DLGAP2: variants seen among roughly 807,000 people sequenced by gnomAD.
DLGAP2 encodes the protein DLG associated protein 2, also known as disks large-associated protein 2.
A neutral mutation model predicts 100.3 loss-of-function variants in DLGAP2; 26 were observed. The observed-to-expected ratio is 0.26, with a 90% CI of 0.19 to 0.36. The LOEUF (loss-of-function observed/expected upper bound fraction) is 0.36. Among genes scored for constraint, DLGAP2 ranks in the 10% least tolerant of loss-of-function variants. The pLI, the probability that DLGAP2 is intolerant of heterozygous loss-of-function variation, is 1.00. For synonymous variants in DLGAP2, 886 were observed against 630.1 expected, an observed-to-expected ratio of 1.41 and a Z score of -6.08; for missense variants, 1,858 against 1,453.2, an observed-to-expected ratio of 1.28 and a Z score of -4.53.
intron 2 of DLGAP2, among the ~76,000 whole-genome samples, chr8:1,050,024 G>T (rs140055325): frequency 6.6e-6 from 1 of 152,074 alleles, no homozygotes; most frequent in African/African-American, 2.4e-5. Context: ...ACACACATGC[G>T]GATATGTGTA....
At chr8:1,350,458 C>A (rs1269395074) in intron 3 of DLGAP2, among the ~76,000 whole-genome samples, 1 of 84,822 alleles carries the variant, frequency 1.2e-5, no homozygotes, top group African/African-American at 4.8e-5. Context: ...AAAGGCCGTG[C>A]GGGTCCTGAC....
chr8:1,604,536 A>G (rs559846713), intron 6 of DLGAP2: 12 of 152,396 alleles, frequency 7.9e-5, no homozygotes, highest in African/African-American at 2.9e-4. Flanking sequence ...TCAACATTAC[A>G]TGCAAGCACT....
chr8:1,438,542 AT>A (rs1487805537), intron 3 of DLGAP2, among the ~76,000 whole-genome samples: 1 of 152,176 alleles, frequency 6.6e-6, no homozygotes, highest in African/African-American at 2.4e-5. Flanking sequence ...TGACTAAGTA[AT>A]TTTTTTCTTT....
chr8:1,066,360 T>G (rs1803250932), intron 2 of DLGAP2, among the ~76,000 whole-genome samples: 1 of 149,562 alleles, frequency 6.7e-6, no homozygotes. Flanking sequence ...CGGTCAGGTC[T>G]GAGTGAGGAC....
At chr8:976,658 C>G (rs1484951647) in intron 2 of DLGAP2, among the ~76,000 whole-genome samples, 3 of 152,096 alleles carry the variant, frequency 2.0e-5, no homozygotes, top group African/African-American at 7.2e-5. Flanking sequence ...TAGGGCCAAC[C>G]AATCTTTGAC....
chr8:1,135,970 C>T (rs1273341529), intron 2 of DLGAP2, among the ~76,000 whole-genome samples: 3 of 152,208 alleles, frequency 2.0e-5, no homozygotes, highest in Non-Finnish European at 4.4e-5. Flanking sequence ...GGCCACAGAG[C>T]ACAGAATCAA....
intron 1 of DLGAP2, among the ~76,000 whole-genome samples, chr8:824,284 C>T (rs1031230436): frequency 6.6e-6 from 1 of 151,980 alleles, no homozygotes; most frequent in East Asian, 1.9e-4. Flanking sequence ...CCATGTTGCC[C>T]AGGCTGGTCT....
At chr8:919,783 G>T (rs1397660452) in intron 2 of DLGAP2, among the ~76,000 whole-genome samples, 2 of 152,226 alleles carry the variant, frequency 1.3e-5, no homozygotes, top group Non-Finnish European at 1.5e-5. Context: ...GACACAGAAG[G>T]CTCTGCCATG....
At chr8:1,441,388 C>G (rs1278045599) in intron 3 of DLGAP2, among the ~76,000 whole-genome samples, 2 of 152,078 alleles carry the variant, frequency 1.3e-5, no homozygotes, top group African/African-American at 4.8e-5. Flanking sequence ...CAACCTAAGG[C>G]CCCATTTAAA....
At chr8:943,156 G>A (rs184177275) in intron 2 of DLGAP2, among the ~76,000 whole-genome samples, 19 of 152,218 alleles carry the variant, frequency 1.2e-4, no homozygotes, top group African/African-American at 4.3e-4. Flanking sequence ...CAATTTTAGG[G>A]GCTATTTTAT....
chr8:1,064,047 A>T (rs1483518877), intron 2 of DLGAP2, among the ~76,000 whole-genome samples: 1 of 151,584 alleles, frequency 6.6e-6, no homozygotes, highest in Admixed American at 6.5e-5. Context: ...GCCAGCCTTT[A>T]ACGGGGTTTG....
intron 2 of DLGAP2, among the ~76,000 whole-genome samples, chr8:1,195,054 TCC>T (rs1797720049): frequency 2.0e-5 from 3 of 152,230 alleles, no homozygotes; most frequent in Non-Finnish European, 4.4e-5. Context: ...TTCAGAGGCG[TCC>T]GCCCCAGCAT....
At chr8:1,419,114 GT>G (rs1220881284) in intron 3 of DLGAP2, among the ~76,000 whole-genome samples, 3 of 152,144 alleles carry the variant, frequency 2.0e-5, no homozygotes, top group East Asian at 1.9e-4. Context: ...CCCTTGGTAG[GT>G]TTTGTTTTTC....
rs1259258878 is a variant in DLGAP2 at position 1,282,665 on chromosome 8, GGT to G, written c.106+23786_106+23787del. On this transcript the variant is annotated intron_variant, in intron 3 of 14. Transcript: ENST00000637795. The stretch of plus-strand genomic sequence containing the variant: ...CCCAGCGCATGAACCATCCAGACGT[GGT>G]GTGACCTGAACCCAGCGCATGAACC... 2.2e-5 allele frequency among the ~76,000 whole-genome samples: 3 copies of G among 134,668 alleles called. No homozygotes were observed. The East Asian group carries it at 7.8e-4, about 35-fold the overall frequency. 88.3% of individuals were successfully genotyped at this position (134,668 alleles called of 152,430 possible).
intron 3 of DLGAP2, among the ~76,000 whole-genome samples, chr8:1,432,901 G>C (rs73172534): frequency 5.8e-4 from 89 of 152,182 alleles, no homozygotes; most frequent in African/African-American, 1.9e-3. Flanking sequence ...CCAGAGACCA[G>C]AGACCCTGGG....
rs144980439 is a variant in DLGAP2, at chr8:1,526,979, C to T, written c.173-21647C>T. On this transcript the variant is annotated intron_variant, in intron 4 of 14. Coordinates refer to ENST00000637795, the MANE Select transcript of DLGAP2 (RefSeq NM_001346810.2). ...GAGTTAGGCTGCAAGCAGCGGGTGCCGTCACAAGCCCACCCGTTACCACGA... is the reference window on the plus strand; with the variant it reads ...GAGTTAGGCTGCAAGCAGCGGGTGCTGTCACAAGCCCACCCGTTACCACGA... 6.3e-4 allele frequency among the ~76,000 whole-genome samples: 96 copies of T among 152,344 alleles called. 1 individual carries two copies. In the Middle Eastern group the frequency reaches 0.01, roughly 16 times the overall value.
At chr8:1,090,290 C>T (rs2701928) in intron 2 of DLGAP2, among the ~76,000 whole-genome samples, 51,268 of 140,646 alleles carry the variant, frequency 0.36, 7,223 homozygotes, top group Non-Finnish European at 0.42. Flanking sequence ...GCCCTCCTGG[C>T]CAGGCAGGGG....
chr8:893,974 G>A (rs1054523165), intron 1 of DLGAP2, among the ~76,000 whole-genome samples: 1 of 152,220 alleles, frequency 6.6e-6, no homozygotes, highest in African/African-American at 2.4e-5. Context: ...CTTGGCTGTC[G>A]GCCCGAGGCT....
chr8:952,452 C>A (rs1042077378), intron 2 of DLGAP2, among the ~76,000 whole-genome samples: 11 of 152,102 alleles, frequency 7.2e-5, no homozygotes, highest in Non-Finnish European at 1.5e-4. Context: ...GCCTGGCCAA[C>A]ATGGTGAAAC....
Sources: gnomAD v4.1 joint callset for allele counts (sites outside exome capture counted in the v4.1 genomes callset) on GRCh38, gnomAD v4.1.1 for gene constraint, MANE v1.5 for transcripts, NCBI Gene and HGNC (gene_info 2026-07-23, HGNC 2026-07-21) for gene names.